Variants in OLA1 observed in about 807,000 individuals in gnomAD.
The protein encoded by OLA1 is Obg like ATPase 1.
Under a neutral mutation model 48.4 loss-of-function variants are expected in OLA1, and 14 were observed. The ratio of observed to expected loss-of-function variants is 0.29; its 90% CI spans 0.19 to 0.45. The LOEUF is 0.45. Ranked by LOEUF, OLA1 falls within the 20% of genes least tolerant of loss-of-function variation. The pLI, the probability that OLA1 is intolerant of heterozygous loss-of-function variation, is 1.00. For synonymous variants in OLA1, 127 were observed against 150.4 expected, an observed-to-expected ratio of 0.84 and a Z score of 1.14; for missense variants, 325 against 467.1, an observed-to-expected ratio of 0.70 and a Z score of 2.80.
At chr2:174,163,182 G>T (rs554604768) in intron 4 of OLA1, among the ~76,000 whole-genome samples, 1 of 152,308 alleles carries the variant, frequency 6.6e-6, no homozygotes, top group Admixed American at 6.5e-5. Flanking sequence ...CTGAGATTCT[G>T]CATTTTAAAG....
intron 7 of OLA1, among the ~76,000 whole-genome samples, chr2:174,088,111 G>A (rs1685024507): frequency 6.6e-6 from 1 of 152,090 alleles, no homozygotes. Context: ...ACAAAATGAT[G>A]CAACTTACAT....
intron 5 of OLA1, among the ~76,000 whole-genome samples, chr2:174,129,365 G>A (rs1297241855): frequency 1.3e-5 from 2 of 151,944 alleles, no homozygotes; most frequent in Non-Finnish European, 2.9e-5. Context: ...GGCTGAGGCA[G>A]GAGAATGGTG....
intron 7 of OLA1, among the ~76,000 whole-genome samples, chr2:174,107,435 T>C (rs1354459285): frequency 6.6e-6 from 1 of 152,140 alleles, no homozygotes; most frequent in East Asian, 1.9e-4. Flanking sequence ...GTTGGGCAAA[T>C]ATTTTGTGCT....
Position 174,075,422 on chromosome 2 carries a change from A to C in OLA1, c.*4T>G. On this transcript the variant is annotated 3_prime_UTR_variant, in exon 11 of 11. Transcript: ENST00000284719. ...TGTATGTTTATCTGAGCAATAACTA[A>C]ATTTTATTTCTTCTTCGGTTGTTGA... 1 of 1,550,908 alleles carries C rather than the reference A, an allele frequency of 6.4e-7. No individual in the cohort carries two copies. The highest frequency in any genetic ancestry group is 1.1e-5 in the South Asian group (1 of 89,170).
chr2:174,196,143 A>T lies in OLA1; in HGVS notation c.373+26890T>A, dbSNP rs550967255. Among the ~76,000 whole-genome samples, 8 of 152,272 alleles carry T rather than the reference A, an allele frequency of 5.3e-5. No individual in the cohort carries two copies. The South Asian group carries it at 1.7e-3, about 32-fold the overall frequency. ...TAACAGTCTAAATATTTATTCCAAT[A>T]TCAATCTTAAGTTTTAATCAGTTAT... On this transcript the variant is annotated intron_variant, in intron 4 of 10. Coordinates refer to ENST00000284719, the MANE Select transcript of OLA1 (RefSeq NM_013341.5).
At chr2:174,145,662 A>G (rs1686577085) in intron 4 of OLA1, among the ~76,000 whole-genome samples, 1 of 152,162 alleles carries the variant, frequency 6.6e-6, no homozygotes, top group Admixed American at 6.5e-5. Context: ...CATTGTATTT[A>G]TTTTTATTAG....
chr2:174,121,905 G>A (rs538880629), intron 7 of OLA1, among the ~76,000 whole-genome samples: 1 of 152,258 alleles, frequency 6.6e-6, no homozygotes, highest in South Asian at 2.1e-4. Flanking sequence ...AAACTTTGAT[G>A]TCTGTATTGT....
chr2:174,075,576 T>A, intron 10 of OLA1, 49 bp from the exon 11 acceptor site: 1 of 1,099,992 alleles, frequency 9.1e-7, no homozygotes, highest in Non-Finnish European at 1.4e-6. Context: ...TACAACTAAA[T>A]ACATGGGGTA....
chr2:174,222,914 G>T (rs990592482), intron 4 of OLA1, 119 bp downstream of exon 4: 1 of 1,063,696 alleles, frequency 9.4e-7, no homozygotes, highest in Non-Finnish European at 1.3e-6. Context: ...ACAAACCCAA[G>T]ATTCATCTGG....
At chr2:174,232,029 A>T (rs905803495) in intron 2 of OLA1, among the ~76,000 whole-genome samples, 9 of 152,220 alleles carry the variant, frequency 5.9e-5, no homozygotes, top group African/African-American at 1.9e-4. Flanking sequence ...CAGGAGAAAG[A>T]TTCAAAGTTG....
intron 7 of OLA1, among the ~76,000 whole-genome samples, chr2:174,108,258 T>C (rs1416993386): frequency 1.3e-5 from 2 of 152,092 alleles, no homozygotes; most frequent in Non-Finnish European, 2.9e-5. Flanking sequence ...AAAATAAAAA[T>C]ACTTATTTTC....
intron 7 of OLA1, among the ~76,000 whole-genome samples, chr2:174,115,162 G>C (rs1047524667): frequency 6.6e-6 from 1 of 152,166 alleles, no homozygotes; most frequent in Non-Finnish European, 1.5e-5. Flanking sequence ...AGTGTAATGA[G>C]GGTCATCTCG....
chr2:174,113,102 A>G (rs982232994), intron 7 of OLA1, among the ~76,000 whole-genome samples: 1 of 151,972 alleles, frequency 6.6e-6, no homozygotes, highest in African/African-American at 2.4e-5. Flanking sequence ...CACCAAGCCC[A>G]GCTAATTTTT....
chr2:174,206,427 G>C (rs1317881392), intron 4 of OLA1, among the ~76,000 whole-genome samples: 1 of 152,110 alleles, frequency 6.6e-6, no homozygotes, highest in Non-Finnish European at 1.5e-5. Flanking sequence ...AGACTCTCCA[G>C]TACCTTAGAA....
intron 4 of OLA1, among the ~76,000 whole-genome samples, chr2:174,202,924 A>G (rs531988071): frequency 3.3e-4 from 50 of 152,314 alleles, no homozygotes; most frequent in Non-Finnish European, 6.3e-4. Context: ...GAACTCAGTT[A>G]CACACAGTTC....
rs1347028615 is a variant in OLA1 at position 174,247,878 on chromosome 2, C to T, written c.-1+574G>A. The stretch of plus-strand genomic sequence containing the variant: ...AATCATGCGTGCAGAATTACTCCCA[C>T]CCTTGGACTGCAAAGTGAAATCACA... On this transcript the variant is annotated intron_variant, in intron 1 of 10. Transcript: ENST00000284719. 4 of 1,313,852 alleles carry T rather than the reference C, an allele frequency of 3.0e-6. No individual in the cohort carries two copies. The African/African-American group carries it at 4.4e-5, about 14-fold the overall frequency. 81.4% of individuals were successfully genotyped at this position (1,313,852 alleles called of 1,614,324 possible). A position where few individuals can be genotyped will look rare whatever the true frequency, so the allele number is the denominator to read the frequency against.
intron 4 of OLA1, among the ~76,000 whole-genome samples, chr2:174,213,905 A>T (rs1688303681): frequency 6.6e-6 from 1 of 152,158 alleles, no homozygotes; most frequent in Admixed American, 6.5e-5. Flanking sequence ...CTCTATACTT[A>T]AAAATTATTA....
intron 7 of OLA1, among the ~76,000 whole-genome samples, chr2:174,092,048 A>C (rs566718432): frequency 2.3e-4 from 35 of 150,464 alleles, no homozygotes; most frequent in Admixed American, 2.3e-3. Flanking sequence ...AATCACTTGA[A>C]CCTGGGAGGC....
At chr2:174,231,067 C>T (rs1688719070) in intron 2 of OLA1, among the ~76,000 whole-genome samples, 1 of 152,168 alleles carries the variant, frequency 6.6e-6, no homozygotes, top group Admixed American at 6.5e-5. Flanking sequence ...GAACCTCAGG[C>T]ACACCACCAG....
Sources: gnomAD v4.1 joint callset for allele counts (sites outside exome capture counted in the v4.1 genomes callset) on GRCh38, gnomAD v4.1.1 for gene constraint, MANE v1.5 for transcripts, NCBI Gene and HGNC (gene_info 2026-07-23, HGNC 2026-07-21) for gene names.